ERN1: variants seen among roughly 807,000 people sequenced by gnomAD.
ERN1 encodes the protein serine/threonine-protein kinase/endoribonuclease IRE1.
A neutral mutation model predicts 113.1 loss-of-function variants in ERN1; 39 were observed. The observed-to-expected ratio is 0.34, with a 90% confidence interval of 0.27 to 0.45. The LOEUF (loss-of-function observed/expected upper bound fraction) is 0.45. ERN1 is among the 20% of genes least tolerant of loss of function. The pLI, the probability that ERN1 is intolerant of heterozygous loss-of-function variation, is 1.00. For synonymous variants in ERN1, 507 were observed against 515.9 expected, an observed-to-expected ratio of 0.98 and a Z score of 0.23; for missense variants, 976 against 1,274.8, an observed-to-expected ratio of 0.77 and a Z score of 3.57.
intron 2 of ERN1, among the ~76,000 whole-genome samples, chr17:64,081,798 C>T (rs1299476560): frequency 6.6e-6 from 1 of 152,148 alleles, no homozygotes; most frequent in African/African-American, 2.4e-5. Context: ...TCTTCCCTCC[C>T]TAGATTTTCC....
At chr17:64,079,440 G>T (rs1913698499) in intron 4 of ERN1, among the ~76,000 whole-genome samples, 1 of 152,158 alleles carries the variant, frequency 6.6e-6, no homozygotes, top group Non-Finnish European at 1.5e-5. Flanking sequence ...CTGCTGGTCT[G>T]CATCCGTGTT....
chr17:64,061,241 G>A (rs1291304714), intron 10 of ERN1, among the ~76,000 whole-genome samples: 1 of 152,228 alleles, frequency 6.6e-6, no homozygotes, highest in East Asian at 1.9e-4. Context: ...ATACAAAGCT[G>A]ACTAGAATAG....
chr17:64,046,258 T>C (rs1696344772), intron 19 of ERN1, among the ~76,000 whole-genome samples: 1 of 152,194 alleles, frequency 6.6e-6, no homozygotes, highest in African/African-American at 2.4e-5. Flanking sequence ...AGAGAGAAGC[T>C]GTGGAGAGGT....
chr17:64,063,840 T>C lies in ERN1; in HGVS notation c.1087+146A>G, dbSNP rs1913129896. On this transcript the variant is annotated intron_variant, in intron 10 of 21. Coordinates refer to ENST00000433197, the MANE Select transcript of ERN1 (RefSeq NM_001433.5). The surrounding 1 kb of genome is among the most constrained non-coding windows in gnomAD (Gnocchi z 5.1). The stretch of plus-strand genomic sequence containing the variant: ...TGTTGATTTTCCTTGGGGGTAAAAA[T>C]GTCCCAAGGTCTCAGGGGCCAGCCG... 2 of 660,542 alleles carry C rather than the reference T, an allele frequency of 3.0e-6. No homozygotes were observed. Among genetic ancestry groups the C allele is most frequent in the South Asian group, 4.0e-5 (2 of 50,212 alleles). The allele number at this position is 660,542 out of a possible 1,614,324, so 40.9% of individuals were successfully genotyped here.
At chr17:64,058,240 C>T (rs1912942031) in intron 11 of ERN1, among the ~76,000 whole-genome samples, 1 of 152,158 alleles carries the variant, frequency 6.6e-6, no homozygotes, top group Admixed American at 6.5e-5. Context: ...TGGAGCAATA[C>T]TTTTGGCAGG....
chr17:64,046,973 C>T (rs1445374887), intron 19 of ERN1, among the ~76,000 whole-genome samples: 1 of 152,264 alleles, frequency 6.6e-6, no homozygotes, highest in Non-Finnish European at 1.5e-5. Context: ...GGAGTTCTAA[C>T]TTTGCAGAAC....
intron 19 of ERN1, among the ~76,000 whole-genome samples, chr17:64,047,650 C>T (rs1168411748): frequency 6.6e-6 from 1 of 152,046 alleles, no homozygotes; most frequent in Non-Finnish European, 1.5e-5. Context: ...ATATCATGTA[C>T]AGTTAAAAAA....
At chr17:64,076,321 G>A (rs932123145) in intron 4 of ERN1, among the ~76,000 whole-genome samples, 13 of 152,178 alleles carry the variant, frequency 8.5e-5, no homozygotes, top group African/African-American at 3.1e-4. Context: ...AATAAGCAGA[G>A]CTTTGCATAC....
chr17:64,099,574 G>C (rs1567880202), intron 1 of ERN1, among the ~76,000 whole-genome samples: 1 of 152,000 alleles, frequency 6.6e-6, no homozygotes, highest in Admixed American at 6.6e-5. Flanking sequence ...GCAACAGTTT[G>C]AATTCTGGCA....
chr17:64,115,130 C>T (rs1376284857), intron 1 of ERN1, among the ~76,000 whole-genome samples: 3 of 152,160 alleles, frequency 2.0e-5, no homozygotes, highest in African/African-American at 7.2e-5. Flanking sequence ...ATTTTCATTA[C>T]AAGAGGCAGA....
chr17:64,106,279 T>C (rs1393781191), intron 1 of ERN1, among the ~76,000 whole-genome samples: 1 of 152,248 alleles, frequency 6.6e-6, no homozygotes, highest in African/African-American at 2.4e-5. Context: ...TAAGAAAGAT[T>C]TCCAAGATAT....
chr17:64,053,222 A>G (rs1912743854), intron 16 of ERN1, 50 bp downstream of exon 16: 1 of 1,485,772 alleles, frequency 6.7e-7, no homozygotes, highest in Non-Finnish European at 9.1e-7. Flanking sequence ...CACCTGGGCC[A>G]CTGATTCTCC....
chr17:64,088,952 T>C (rs142373619), intron 2 of ERN1, among the ~76,000 whole-genome samples: 2 of 152,056 alleles, frequency 1.3e-5, no homozygotes, highest in East Asian at 3.9e-4. Flanking sequence ...AGTGACACCA[T>C]GGGGAAGAAA....
chr17:64,107,185 C>T (rs1055474409), intron 1 of ERN1, among the ~76,000 whole-genome samples: 1 of 152,184 alleles, frequency 6.6e-6, no homozygotes, highest in African/African-American at 2.4e-5. Context: ...ACATAAAACT[C>T]TCTCAATGAT....
intron 1 of ERN1, among the ~76,000 whole-genome samples, chr17:64,102,021 T>C (rs995342249): frequency 4.6e-5 from 7 of 152,150 alleles, no homozygotes; most frequent in Non-Finnish European, 8.8e-5. Context: ...GGCTCATGCC[T>C]GTAATCTCAG....
At chr17:64,103,318 G>A (rs1382200266) in intron 1 of ERN1, among the ~76,000 whole-genome samples, 2 of 152,062 alleles carry the variant, frequency 1.3e-5, no homozygotes, top group Non-Finnish European at 2.9e-5. Context: ...CCAACATGGT[G>A]AAACCCTGTC....
chr17:64,116,573 G>T (rs762386185), intron 1 of ERN1, among the ~76,000 whole-genome samples: 6 of 151,698 alleles, frequency 4.0e-5, no homozygotes, highest in Non-Finnish European at 7.4e-5. Context: ...CTTTCTTACC[G>T]CATTTCAATT....
chr17:64,125,644 T>C (rs1003116026), intron 1 of ERN1, among the ~76,000 whole-genome samples: 2 of 152,136 alleles, frequency 1.3e-5, no homozygotes, highest in Non-Finnish European at 2.9e-5. Context: ...GCATGCCACC[T>C]TGCCCAGCTA....
chr17:64,123,043 G>A (rs1914992178), intron 1 of ERN1, among the ~76,000 whole-genome samples: 1 of 151,048 alleles, frequency 6.6e-6, no homozygotes, highest in African/African-American at 2.4e-5. Flanking sequence ...TTTTTTCCAG[G>A]TAGATAATCC....
Sources: gnomAD v4.1 joint callset for allele counts (sites outside exome capture counted in the v4.1 genomes callset) on GRCh38, gnomAD v4.1.1 for gene constraint, Gnocchi (gnomAD v3.1) non-coding constraint, MANE v1.5 for transcripts, NCBI Gene and HGNC (gene_info 2026-07-23, HGNC 2026-07-21) for gene names.